CELF2: variants seen among roughly 807,000 people sequenced by gnomAD.
The protein encoded by CELF2 is CUG triplet repeat RNA-binding protein 2.
A neutral mutation model predicts 62.6 loss-of-function variants in CELF2; 8 were observed. The ratio of observed to expected loss-of-function variants is 0.13; its 90% CI spans 0.07 to 0.23. The LOEUF is 0.23. CELF2 is among the 10% of genes least tolerant of loss of function. The pLI, the probability that CELF2 is intolerant of heterozygous loss-of-function variation, is 1.00. For missense variants in CELF2, 333 were observed against 671.0 expected, an observed-to-expected ratio of 0.50 and a Z score of 5.56; for synonymous variants, 258 against 250.0, an observed-to-expected ratio of 1.03 and a Z score of -0.30.
the CELF2 span, among the ~76,000 whole-genome samples, chr10:10,749,926 A>C: frequency 5.3e-5 from 8 of 152,332 alleles, no homozygotes; most frequent in African/African-American, 1.9e-4. Context: ...ACCTTGGGGA[A>C]ATAAGAGGAA....
chr10:10,719,718 T>C, the CELF2 span, among the ~76,000 whole-genome samples: 1 of 152,180 alleles, frequency 6.6e-6, no homozygotes, highest in South Asian at 2.1e-4. Flanking sequence ...AACCTCTCTG[T>C]GCCTCATCTA....
chr10:11,264,104 C>T (rs933016959), intron 5 of CELF2, among the ~76,000 whole-genome samples: 3 of 152,156 alleles, frequency 2.0e-5, no homozygotes, highest in Non-Finnish European at 4.4e-5. Flanking sequence ...TGTGTCAGAT[C>T]ATTTTTTTGG....
intron 3 of CELF2, among the ~76,000 whole-genome samples, chr10:11,234,310 A>G (rs2070148885): frequency 6.6e-6 from 1 of 152,206 alleles, no homozygotes; most frequent in African/African-American, 2.4e-5. Flanking sequence ...CACCATAGAT[A>G]GTGCTCAACA....
At chr10:10,882,444 C>A (rs2031611554) in intron 1 of CELF2, among the ~76,000 whole-genome samples, 1 of 152,180 alleles carries the variant, frequency 6.6e-6, no homozygotes, top group African/African-American at 2.4e-5. Context: ...GTTCTGTTGT[C>A]ACTAAATTAC....
chr10:10,629,262 C>T, the CELF2 span, among the ~76,000 whole-genome samples: 1 of 152,148 alleles, frequency 6.6e-6, no homozygotes, highest in Non-Finnish European at 1.5e-5. Flanking sequence ...AACTTTGGGC[C>T]TCCGCCCTGA....
chr10:11,028,422 CTTT>C (rs5742072), intron 1 of CELF2, among the ~76,000 whole-genome samples: 204 of 135,710 alleles, frequency 1.5e-3, no homozygotes, highest in Non-Finnish European at 2.0e-3. Context: ...TTTTCTTTTT[CTTT>C]TTTTTTTTTT....
intron 1 of CELF2, among the ~76,000 whole-genome samples, chr10:11,087,469 TG>T (rs2047128855): frequency 6.6e-6 from 1 of 152,232 alleles, no homozygotes; most frequent in East Asian, 1.9e-4. Context: ...AAGTAGCAAC[TG>T]GCTTCTCCAT....
intron 2 of CELF2, among the ~76,000 whole-genome samples, chr10:10,986,577 T>C (rs1214909173): frequency 6.6e-6 from 1 of 152,116 alleles, no homozygotes; most frequent in African/African-American, 2.4e-5. Context: ...AAGAAAGGAG[T>C]ATTGTATAAT....
intron 1 of CELF2, among the ~76,000 whole-genome samples, chr10:11,115,844 C>T (rs1012979338): frequency 5.9e-5 from 9 of 152,172 alleles, no homozygotes; most frequent in African/African-American, 2.2e-4. Context: ...TCACAGGAAT[C>T]GATTTTATGC....
chr10:11,079,750 C>A (rs12252621), intron 1 of CELF2, among the ~76,000 whole-genome samples: 2 of 146,186 alleles, frequency 1.4e-5, no homozygotes, highest in Non-Finnish European at 1.5e-5. Flanking sequence ...AGCCCCCCCC[C>A]CCTTTTTAGG....
chr10:11,006,102 A>G (rs920072216), intron 1 of CELF2, among the ~76,000 whole-genome samples: 1 of 152,224 alleles, frequency 6.6e-6, no homozygotes, highest in African/African-American at 2.4e-5. Flanking sequence ...AAATTATGAT[A>G]GAATTGGCAT....
chr10:10,514,313 T>C, the CELF2 span, among the ~76,000 whole-genome samples: 2 of 152,220 alleles, frequency 1.3e-5, no homozygotes, highest in Non-Finnish European at 2.9e-5. Flanking sequence ...ATTTTTTTTT[T>C]AAATCAGTTG....
intron 1 of CELF2, among the ~76,000 whole-genome samples, chr10:11,079,959 T>C (rs1262700292): frequency 2.0e-5 from 3 of 152,114 alleles, no homozygotes; most frequent in South Asian, 4.1e-4. Context: ...TTACTACTTA[T>C]AGCGCTAAGA....
chr10:11,281,664 G>A lies in CELF2; in HGVS notation c.841+6544G>A, dbSNP rs1019690255. Among the ~76,000 whole-genome samples the A allele has an allele frequency of 5.3e-5, 8 of 152,262 alleles. No homozygotes were observed. The South Asian group carries it at 1.5e-3, about 28-fold the overall frequency. On this transcript the variant is annotated intron_variant, in intron 8 of 12. Transcript: ENST00000633077. ...GCTACTCAGGAGGCTGAGGTAGGAG[G>A]ATCGCTTGAGCCTGGGAGATGATGG...
the CELF2 span, among the ~76,000 whole-genome samples, chr10:10,670,341 A>G: frequency 2.0e-5 from 3 of 152,256 alleles, no homozygotes; most frequent in African/African-American, 7.2e-5. Flanking sequence ...AACATCAAAC[A>G]AAACATAACA....
At chr10:10,851,603 A>G (rs1281056687) in intron 1 of CELF2, among the ~76,000 whole-genome samples, 1 of 152,208 alleles carries the variant, frequency 6.6e-6, no homozygotes. Flanking sequence ...GAAACAAAAC[A>G]TCAGACAAAA....
the CELF2 span, among the ~76,000 whole-genome samples, chr10:10,504,729 C>A: frequency 6.7e-6 from 1 of 150,162 alleles, no homozygotes; most frequent in African/African-American, 2.4e-5. Context: ...GTTTTTTTTT[C>A]TTTTTTCAGT....
chr10:10,740,306 T>A, the CELF2 span, among the ~76,000 whole-genome samples: 2 of 152,132 alleles, frequency 1.3e-5, no homozygotes, highest in Non-Finnish European at 2.9e-5. Flanking sequence ...GCATAAGGTA[T>A]AAGATAAAGG....
intron 2 of CELF2, among the ~76,000 whole-genome samples, chr10:11,200,552 G>A (rs1285801421): frequency 3.3e-5 from 5 of 152,222 alleles, no homozygotes; most frequent in African/African-American, 1.2e-4. Flanking sequence ...GTACCAAGAG[G>A]ACTTAAATGC....
Sources: gnomAD v4.1 joint callset for allele counts (sites outside exome capture counted in the v4.1 genomes callset) on GRCh38, gnomAD v4.1.1 for gene constraint, MANE v1.5 for transcripts, NCBI Gene and HGNC (gene_info 2026-07-23, HGNC 2026-07-21) for gene names.